Variants in SNX19 observed in about 807,000 individuals in gnomAD.
SNX19 encodes sorting nexin-19.
Under a neutral mutation model 85.2 loss-of-function variants are expected in SNX19, and 60 were observed. The ratio of observed to expected loss-of-function variants is 0.70; its 90% CI spans 0.57 to 0.87. SNX19 has a LOEUF of 0.87. Ranked by LOEUF, SNX19 falls within the 40% of genes least tolerant of loss-of-function variation. The pLI is 0.00. For synonymous variants in SNX19, 520 were observed against 470.0 expected (o/e 1.11, Z -1.38); for missense variants, 1,201 against 1,217.8 (o/e 0.99, Z 0.21).
rs1453382858 is a variant in SNX19, at chr11:130,903,284, A to C, written c.2544T>G (p.Leu848=). ...GAACTAGGGTCCCAAAGATAAGACGAAGAAACTTTTGCATGTTTTCGGTAC... is the reference window on the plus strand; with the variant it reads ...GAACTAGGGTCCCAAAGATAAGACGCAGAAACTTTTGCATGTTTTCGGTAC... ...WLCTENMQKF[L]RLIFGTLVQR... Residue 848 remains leucine (L), a synonymous_variant, in exon 8 of 11, where the codon CTT becomes CTG. Transcript: ENST00000265909. 1 of 1,613,974 alleles carries C rather than the reference A, an allele frequency of 6.2e-7. No individual in the cohort carries two copies. Among genetic ancestry groups the C allele is most frequent in the African/African-American group, 1.3e-5 (1 of 75,042 alleles).
At chr11:130,886,637 A>T (rs1052540738) in intron 8 of SNX19, among the ~76,000 whole-genome samples, 9 of 152,188 alleles carry the variant, frequency 5.9e-5, no homozygotes, top group African/African-American at 2.2e-4. Flanking sequence ...AGCAATCTAT[A>T]GGGTGGGAGA....
At chr11:130,901,117 A>C (rs1471974471) in intron 8 of SNX19, among the ~76,000 whole-genome samples, 1 of 152,186 alleles carries the variant, frequency 6.6e-6, no homozygotes, top group East Asian at 1.9e-4. Flanking sequence ...TGTCCTGTGT[A>C]GCTGCAGGAT....
intron 8 of SNX19, 64 bp downstream of exon 8, chr11:130,903,191 A>G (rs1029122967): frequency 1.2e-5 from 20 of 1,602,332 alleles, no homozygotes; most frequent in African/African-American, 1.3e-5. Flanking sequence ...GACACTATTC[A>G]GCATCACATC....
At chr11:130,891,812 T>C (rs936763605) in intron 8 of SNX19, among the ~76,000 whole-genome samples, 5 of 151,590 alleles carry the variant, frequency 3.3e-5, no homozygotes, top group Admixed American at 6.6e-5. Context: ...TTGAGTATTG[T>C]GACATGTTTA....
chr11:130,895,105 G>A (rs1446358051), intron 8 of SNX19: 1 of 985,252 alleles, frequency 1.0e-6, no homozygotes, highest in Non-Finnish European at 1.2e-6. Flanking sequence ...GAGAGGGCAG[G>A]CTCGGTGGGG....
intron 4 of SNX19, among the ~76,000 whole-genome samples, chr11:130,908,867 GCTAA>G (rs1472138130): frequency 6.6e-6 from 1 of 152,208 alleles, no homozygotes; most frequent in East Asian, 1.9e-4. Flanking sequence ...GGTGCTTCTT[GCTAA>G]CTAACACTGC....
chr11:130,915,139 G>T lies in SNX19; in HGVS notation c.801C>A (p.Ile267=). The T allele has an allele frequency of 6.2e-7, 1 of 1,613,918 alleles. No homozygotes were observed. The highest frequency in any genetic ancestry group is 2.2e-5 in the East Asian group (1 of 44,860). Residue 267 remains isoleucine (I), a synonymous_variant, in exon 1 of 11, where the codon ATC becomes ATA. Transcript: ENST00000265909. ...PDWIHLVLVG[I]FSKARDPAPC... ...GTGCTGGATCTCTGGCCTTGGAAAA[G>T]ATACCCACGAGTACAAGGTGGATCC...
chr11:130,897,617 T>C (rs939868714), intron 8 of SNX19, among the ~76,000 whole-genome samples: 2 of 152,170 alleles, frequency 1.3e-5, no homozygotes, highest in African/African-American at 4.8e-5. Flanking sequence ...ATTCCTTCAC[T>C]TTCCATCAGG....
rs373105417 is a variant in SNX19 at position 130,879,707 on chromosome 11, G to A, written c.2763C>T (p.Leu921=). Residue 921 remains leucine, a synonymous_variant, in exon 10 of 11, where the codon CTC becomes CTT. Coordinates refer to ENST00000265909, the MANE Select transcript of SNX19 (RefSeq NM_014758.3). The part of the protein sequence containing the change: ...LQSLMGVLPD[L]VVEILGVNKC... The stretch of plus-strand genomic sequence containing the variant: ...TGTTCACCCCAAGAATTTCTACTAC[G>A]AGATCTGAGGAGGAAAAAACAGATG... 19 of 1,613,510 alleles carry A rather than the reference G, an allele frequency of 1.2e-5. No homozygotes were observed. The highest frequency in any genetic ancestry group is 1.4e-5 in the Non-Finnish European group (17 of 1,179,746).
intron 8 of SNX19, among the ~76,000 whole-genome samples, chr11:130,888,790 G>T: frequency 6.6e-6 from 1 of 152,084 alleles, no homozygotes; most frequent in East Asian, 1.9e-4. Context: ...AAGTTTCATG[G>T]GATATAATTC....
Position 130,869,239 on chromosome 11 carries a change from G to A in SNX19, c.*9183C>T, listed in dbSNP as rs1942914770. The A allele has an allele frequency of 2.0e-5, 3 of 152,176 alleles. No individual in the cohort carries two copies. The highest frequency in any genetic ancestry group is 2.0e-4 in the Admixed American group (3 of 15,272). 9.4% of individuals were successfully genotyped at this position (152,176 alleles called of 1,614,324 possible). ...TGTGTATGTCTCAGTCAAGCTGTGCGGGTCCAGCCAATTTAAGATAAACTC... is the reference window on the plus strand; with the variant it reads ...TGTGTATGTCTCAGTCAAGCTGTGCAGGTCCAGCCAATTTAAGATAAACTC... On this transcript the variant is annotated 3_prime_UTR_variant, in exon 11 of 11. Transcript: ENST00000265909.
chr11:130,893,719 A>C (rs1467324026), intron 8 of SNX19: 2 of 679,272 alleles, frequency 2.9e-6, no homozygotes, highest in East Asian at 5.4e-5. Context: ...AAAACAACAA[A>C]AAGGAAACCT....
chr11:130,914,140 GAT>G (rs1207113179), intron 1 of SNX19, 124 bp downstream of exon 1: 9 of 736,300 alleles, frequency 1.2e-5, no homozygotes, highest in African/African-American at 1.8e-5. Context: ...CATTCACAGA[GAT>G]AGATGCCTAT....
intron 8 of SNX19, among the ~76,000 whole-genome samples, chr11:130,884,648 A>G (rs921421965): frequency 6.6e-6 from 1 of 152,064 alleles, no homozygotes; most frequent in South Asian, 2.1e-4. Flanking sequence ...CGGGCAGATC[A>G]CCTGAGGTCA....
At chr11:130,906,325 T>A (rs903096909) in intron 6 of SNX19, among the ~76,000 whole-genome samples, 192 bp from the exon 7 acceptor site, 1 of 152,230 alleles carries the variant, frequency 6.6e-6, no homozygotes, top group Non-Finnish European at 1.5e-5. Flanking sequence ...CCTGGGATTA[T>A]CATTTCTGCA....
At position 130,914,940 on chromosome 11, in the gene SNX19, C is replaced by T. The variant is rs143532789; in HGVS notation, c.1000G>A (p.Glu334Lys). Residue 334 changes from glutamate to lysine, a missense_variant, in exon 1 of 11, where the codon GAA (glutamate) becomes AAA (lysine). This residue lies in a region of SNX19 where 791 missense variants were observed against 750.9 expected (regional missense o/e 1.05). Coordinates refer to ENST00000265909, the MANE Select transcript of SNX19 (RefSeq NM_014758.3). Reference sequence around the variant, plus strand: ...CCACCCAAATCTCCCTCTACAGCTTCGTGGCCTTCTTCAACCTCTGGAGAG... The same window carrying T: ...CCACCCAAATCTCCCTCTACAGCTTTGTGGCCTTCTTCAACCTCTGGAGAG... ...GPSPEVEEGH[E>K]AVEGDLGGMC... 497 of 1,614,226 alleles carry T rather than the reference C, an allele frequency of 3.1e-4. No homozygotes were observed. The highest frequency in any genetic ancestry group is 3.9e-4 in the Non-Finnish European group (465 of 1,180,044).
intron 8 of SNX19, among the ~76,000 whole-genome samples, chr11:130,899,485 G>T (rs555789209): frequency 6.6e-6 from 1 of 152,282 alleles, no homozygotes; most frequent in African/African-American, 2.4e-5. Flanking sequence ...AAAAAGATGG[G>T]AAAAATGATT....
chr11:130,880,550 C>G, intron 9 of SNX19, 72 bp downstream of exon 9: 1 of 1,370,256 alleles, frequency 7.3e-7, no homozygotes, highest in Non-Finnish European at 9.9e-7. Flanking sequence ...GGAAAAGGTG[C>G]AGGGGTAATG....
At chr11:130,888,856 A>G (rs1944286281) in intron 8 of SNX19, among the ~76,000 whole-genome samples, 1 of 152,172 alleles carries the variant, frequency 6.6e-6, no homozygotes, top group South Asian at 2.1e-4. Flanking sequence ...TACGTGCTCT[A>G]TTATTATTTT....
Sources: gnomAD v4.1 joint callset for allele counts (sites outside exome capture counted in the v4.1 genomes callset) on GRCh38, gnomAD v4.1.1 for gene constraint, gnomAD v4.1.1 regional missense constraint, MANE v1.5 for transcripts, NCBI Gene and HGNC (gene_info 2026-07-23, HGNC 2026-07-21) for gene names.